The following SLC18A1 variants were observed in gnomAD, a reference collection of about 807,000 sequenced individuals.
SLC18A1 encodes chromaffin granule amine transporter.
A neutral mutation model predicts 53.7 loss-of-function variants in SLC18A1; 69 were observed. The ratio of observed to expected loss-of-function variants is 1.28; its 90% CI spans 1.06 to 1.57. The LOEUF (loss-of-function observed/expected upper bound fraction) is 1.57. SLC18A1 is among the 40% of genes most tolerant of loss of function. The pLI, the probability that SLC18A1 is intolerant of heterozygous loss-of-function variation, is 0.00. For synonymous variants in SLC18A1, 320 were observed against 248.1 expected, an observed-to-expected ratio of 1.29 and a Z score of -2.72; for missense variants, 932 against 668.1, an observed-to-expected ratio of 1.40 and a Z score of -4.35.
chr8:20,161,378 A>G (rs573131266), intron 10 of SLC18A1, among the ~76,000 whole-genome samples: 1 of 152,344 alleles, frequency 6.6e-6, no homozygotes, highest in Non-Finnish European at 1.5e-5. Context: ...ACAGTACAAG[A>G]TAAAAATAAT....
intron 10 of SLC18A1, among the ~76,000 whole-genome samples, chr8:20,152,039 T>C (rs1238792514): frequency 6.6e-6 from 1 of 152,210 alleles, no homozygotes; most frequent in African/African-American, 2.4e-5. Flanking sequence ...TCAGAAGGGC[T>C]ATCTGGGATT....
intron 8 of SLC18A1, among the ~76,000 whole-genome samples, 169 bp from the exon 9 acceptor site, chr8:20,165,276 C>T (rs971606439): frequency 3.4e-4 from 52 of 152,122 alleles, no homozygotes; most frequent in African/African-American, 1.2e-3. Flanking sequence ...TTGTCTGATG[C>T]CACAGAGGAA....
chr8:20,174,705 C>T (rs1312997182), intron 4 of SLC18A1, among the ~76,000 whole-genome samples: 2 of 152,186 alleles, frequency 1.3e-5, no homozygotes, highest in Non-Finnish European at 2.9e-5. Flanking sequence ...TGAGTCTGTA[C>T]ATCTCTTGCC....
chr8:20,163,261 C>T (rs1214355958), intron 10 of SLC18A1, among the ~76,000 whole-genome samples: 1 of 152,146 alleles, frequency 6.6e-6, no homozygotes, highest in African/African-American at 2.4e-5. Flanking sequence ...GGCCTTAATC[C>T]ATTCATGAGG....
chr8:20,173,867 A>G (rs2072187612), intron 5 of SLC18A1, among the ~76,000 whole-genome samples: 1 of 148,962 alleles, frequency 6.7e-6, no homozygotes, highest in Non-Finnish European at 1.5e-5. Flanking sequence ...AGATCTATGG[A>G]CCCTGTTAGA....
intron 11 of SLC18A1, among the ~76,000 whole-genome samples, 155 bp downstream of exon 11, chr8:20,150,511 A>G (rs2071523411): frequency 1.3e-5 from 2 of 151,720 alleles, no homozygotes; most frequent in Non-Finnish European, 2.9e-5. Context: ...CTCACCACTC[A>G]CTCACTGCCC....
In SLC18A1 at chr8:20,145,720, G is replaced by T. The variant is rs535498489; in HGVS notation, c.*43C>A. ...TGGTGATCTGGTCCCAGGGAAAGAG[G>T]TGGTCACTGAGGCATCATGAATTCA... On this transcript the variant is annotated 3_prime_UTR_variant, in exon 16 of 16. Coordinates refer to ENST00000276373, the MANE Select transcript of SLC18A1 (RefSeq NM_003053.4). 3.1e-5 allele frequency: 40 copies of T among 1,277,380 alleles called. No homozygotes were observed. The South Asian group carries it at 4.8e-4, about 15-fold the overall frequency. The allele number at this position is 1,277,380 out of a possible 1,614,324, so 79.1% of individuals were successfully genotyped here. A position where few individuals can be genotyped will look rare whatever the true frequency, so the allele number is the denominator to read the frequency against.
rs1393913531 is a variant in SLC18A1, at chr8:20,171,098, C to T, written c.858+5G>A. On this transcript the variant is annotated splice_donor_5th_base_variant and intron_variant, in intron 8 of 15. Transcript: ENST00000276373. Reference sequence around the variant, plus strand: ...TGTTAGAAATGGAGCTTTGTGTCTGCTTACCTCAGGAGAGACTTTGGAAGG... The same window carrying T: ...TGTTAGAAATGGAGCTTTGTGTCTGTTTACCTCAGGAGAGACTTTGGAAGG... The T allele has an allele frequency of 6.2e-7, 1 of 1,613,980 alleles. No homozygotes were observed. Among genetic ancestry groups the T allele is most frequent in the East Asian group, 2.2e-5 (1 of 44,900 alleles).
chr8:20,164,366 G>T (rs1296360947), intron 10 of SLC18A1, among the ~76,000 whole-genome samples: 1 of 152,096 alleles, frequency 6.6e-6, no homozygotes, highest in Non-Finnish European at 1.5e-5. Flanking sequence ...GATAACCAAA[G>T]GGTAGTCTTG....
chr8:20,157,787 G>T (rs1373743669), intron 10 of SLC18A1, among the ~76,000 whole-genome samples: 3 of 152,158 alleles, frequency 2.0e-5, no homozygotes, highest in Non-Finnish European at 2.9e-5. Flanking sequence ...ATCAGGAGGA[G>T]CAGGTGGAAT....
Position 20,153,217 on chromosome 8 carries a change from C to CA in SLC18A1, c.1016-2474_1016-2473insT, listed in dbSNP as rs2071602574. 2.8e-5 allele frequency among the ~76,000 whole-genome samples: 4 copies of CA among 142,146 alleles called. No homozygotes were observed. In the South Asian group the frequency reaches 9.1e-4, roughly 32 times the overall value. The allele number at this position is 142,146 out of a possible 152,430, so 93.3% of individuals were successfully genotyped here. On this transcript the variant is annotated intron_variant, in intron 10 of 15. Coordinates refer to ENST00000276373, the MANE Select transcript of SLC18A1 (RefSeq NM_003053.4). ...AGGTGAGACCAACAGCGTGGTTGTG[C>CA]GTTTTTTTTGCAGCCCCATGCCATG...
At position 20,155,946 on chromosome 8, in the gene SLC18A1, T is replaced by C. The variant is rs769021072; in HGVS notation, c.1016-5202A>G. ...CAAGTTTGTAAATGGCTAGGAGGATTGCTCTGCCATTGTGTAAGTACTCTC... is the reference window on the plus strand; with the variant it reads ...CAAGTTTGTAAATGGCTAGGAGGATCGCTCTGCCATTGTGTAAGTACTCTC... On this transcript the variant is annotated intron_variant, in intron 10 of 15. Transcript: ENST00000276373. Among the ~76,000 whole-genome samples, 57 of 152,234 alleles carry C rather than the reference T, an allele frequency of 3.7e-4. 1 individual carries two copies. The highest frequency in any genetic ancestry group is 3.2e-3 in the Middle Eastern group (1 of 316).
Position 20,171,472 on chromosome 8 carries a change from T to C in SLC18A1, c.747A>G (p.Val249=), listed in dbSNP as rs2072114673. 6.2e-7 allele frequency: 1 copy of C among 1,613,952 alleles called. No individual in the cohort carries two copies. The highest frequency in any genetic ancestry group is 1.3e-5 in the African/African-American group (1 of 74,906). The change falls in exon 7 of 16, where the codon GTA becomes GTG. Residue 249 remains valine, a synonymous_variant. Coordinates refer to ENST00000276373, the MANE Select transcript of SLC18A1 (RefSeq NM_003053.4). ...GLLVGAPFGS[V]MYEFVGKSAP... is the part of the protein sequence containing the mutation. ...CAGACTTCCCAACAAACTCGTACAT[T>C]ACACTTCCAAAGGGAGCTCCCACTG...
At chr8:20,150,875 G>C (rs572074572) in intron 10 of SLC18A1, 131 bp from the exon 11 acceptor site, 2 of 788,858 alleles carry the variant, frequency 2.5e-6, no homozygotes, top group Non-Finnish European at 4.3e-6. Flanking sequence ...TTATGATCTG[G>C]GGACCTTTGT....
chr8:20,154,474 A>G (rs559919192), intron 10 of SLC18A1, among the ~76,000 whole-genome samples: 1 of 152,322 alleles, frequency 6.6e-6, no homozygotes, highest in African/African-American at 2.4e-5. Flanking sequence ...ACGACATGAC[A>G]TTCAAAGGAG....
chr8:20,147,535 C>A lies in SLC18A1; in HGVS notation c.1330+68G>T, dbSNP rs1357832878. On this transcript the variant is annotated intron_variant, in intron 14 of 15. Transcript: ENST00000276373. Reference sequence around the variant, plus strand: ...CTCCAGAACCCTAGGAGGATAGCTTCCTGGCTGCACTTCCAGCTGGTAAAG... The same window carrying A: ...CTCCAGAACCCTAGGAGGATAGCTTACTGGCTGCACTTCCAGCTGGTAAAG... The A allele has an allele frequency of 4.4e-6, 7 of 1,603,552 alleles. No individual in the cohort carries two copies. In the East Asian group the frequency reaches 1.6e-4, roughly 36 times the overall value.
chr8:20,146,293 A>G (rs1308465849), intron 15 of SLC18A1, among the ~76,000 whole-genome samples: 1 of 152,072 alleles, frequency 6.6e-6, no homozygotes, highest in Non-Finnish European at 1.5e-5. Flanking sequence ...ATTGCTAAGT[A>G]CTCAAGAAAC....
At chr8:20,149,762 G>A in intron 11 of SLC18A1, 35 bp from the exon 12 acceptor site, 3 of 1,607,420 alleles carry the variant, frequency 1.9e-6, no homozygotes, top group South Asian at 1.1e-5. Flanking sequence ...ACACCACTAG[G>A]GGAGAGCTCC....
At chr8:20,171,193 C>G in intron 7 of SLC18A1, 47 bp from the exon 8 acceptor site, 1 of 1,602,630 alleles carries the variant, frequency 6.2e-7, no homozygotes, top group East Asian at 2.2e-5. Context: ...TACTGATTAG[C>G]TGGGGGCTCC....
Sources: gnomAD v4.1 joint callset for allele counts (sites outside exome capture counted in the v4.1 genomes callset) on GRCh38, gnomAD v4.1.1 for gene constraint, MANE v1.5 for transcripts, NCBI Gene and HGNC (gene_info 2026-07-23, HGNC 2026-07-21) for gene names.